Variants in EPHA6 observed in about 807,000 individuals in gnomAD.
The protein encoded by EPHA6 is ephrin type-A receptor 6.
A neutral mutation model predicts 112.0 loss-of-function variants in EPHA6; 50 were observed. That is an observed-to-expected ratio of 0.45 (90% CI 0.36 to 0.56). The LOEUF (loss-of-function observed/expected upper bound fraction) is 0.56. Ranked by LOEUF, EPHA6 falls within the 20% of genes least tolerant of loss-of-function variation. The probability of loss-of-function intolerance (pLI) is 0.00; values close to 1 mark genes in which losing one functional copy is unlikely to be tolerated. For missense variants in EPHA6, 1,280 were observed against 1,417.4 expected, an observed-to-expected ratio of 0.90 and a Z score of 1.56; for synonymous variants, 529 against 490.7, an observed-to-expected ratio of 1.08 and a Z score of -1.03.
intron 2 of EPHA6, among the ~76,000 whole-genome samples, chr3:96,941,921 A>G (rs562725608): frequency 6.7e-6 from 1 of 149,802 alleles, no homozygotes; most frequent in Admixed American, 6.6e-5. Flanking sequence ...CGGTGGCTGT[A>G]GAACAGCGGA....
rs555885918 is a variant in EPHA6, at chr3:97,652,728, A to G, written c.2784+14646A>G. ...TAAGGAGTTAAACCCAATGCTGAGT[A>G]TGGCCAAGTAGGAAGATCTAAAGAG... On this transcript the variant is annotated intron_variant, in intron 14 of 17. Coordinates refer to ENST00000389672, the MANE Select transcript of EPHA6 (RefSeq NM_001080448.3). Among the ~76,000 whole-genome samples, 6 of 152,118 alleles carry G rather than the reference A, an allele frequency of 3.9e-5. No individual in the cohort carries two copies. The East Asian group carries it at 9.7e-4, about 25-fold the overall frequency.
chr3:96,841,785 T>A, intron 1 of EPHA6, among the ~76,000 whole-genome samples: 1 of 152,278 alleles, frequency 6.6e-6, no homozygotes, highest in Non-Finnish European at 1.5e-5. Context: ...TACATAAAAA[T>A]TTTTATCTTT....
chr3:97,185,628 G>A (rs2077105927), intron 3 of EPHA6, among the ~76,000 whole-genome samples: 1 of 152,042 alleles, frequency 6.6e-6, no homozygotes, highest in Admixed American at 6.6e-5. Flanking sequence ...ATGTAAACTA[G>A]CTCAACCATT....
chr3:96,896,229 A>T (rs948921650), intron 2 of EPHA6, among the ~76,000 whole-genome samples: 14 of 152,080 alleles, frequency 9.2e-5, no homozygotes, highest in Non-Finnish European at 1.9e-4. Context: ...TAACATTAAC[A>T]TCTTAAATAC....
chr3:96,894,640 G>C (rs1158424280), intron 2 of EPHA6, among the ~76,000 whole-genome samples: 1 of 152,092 alleles, frequency 6.6e-6, no homozygotes, highest in African/African-American at 2.4e-5. Flanking sequence ...GTTTGTCCGT[G>C]ATTTCAGAAG....
chr3:97,385,588 C>A (rs1270540409), intron 5 of EPHA6, among the ~76,000 whole-genome samples: 1 of 152,088 alleles, frequency 6.6e-6, no homozygotes, highest in African/African-American at 2.4e-5. Flanking sequence ...CCCTGTAATG[C>A]CTCCAAATAT....
chr3:97,259,416 A>C (rs2079424964), intron 5 of EPHA6, among the ~76,000 whole-genome samples: 1 of 152,050 alleles, frequency 6.6e-6, no homozygotes, highest in Non-Finnish European at 1.5e-5. Context: ...TAAGCTTAGA[A>C]GTTTCTTCAA....
intron 14 of EPHA6, among the ~76,000 whole-genome samples, chr3:97,699,087 G>C (rs2033212301): frequency 6.6e-6 from 1 of 152,126 alleles, no homozygotes; most frequent in Non-Finnish European, 1.5e-5. Context: ...ATTAATCACT[G>C]TAAAAGAGAA....
intron 10 of EPHA6, among the ~76,000 whole-genome samples, chr3:97,507,437 A>G (rs1200831741): frequency 6.6e-6 from 1 of 152,022 alleles, no homozygotes; most frequent in Non-Finnish European, 1.5e-5. Context: ...GGTTTTTGTC[A>G]TTGGTTTTGT....
intron 2 of EPHA6, among the ~76,000 whole-genome samples, chr3:96,902,228 A>G (rs2107575839): frequency 6.6e-6 from 1 of 152,340 alleles, no homozygotes; most frequent in African/African-American, 2.4e-5. Context: ...TTTGGCAGAA[A>G]ATTAATTTTA....
chr3:96,886,269 G>T (rs1413394138), intron 2 of EPHA6, among the ~76,000 whole-genome samples: 1 of 152,130 alleles, frequency 6.6e-6, no homozygotes, highest in Non-Finnish European at 1.5e-5. Context: ...ACTGTCAGTG[G>T]AGTATTGAAG....
At chr3:96,996,046 A>C (rs1447382682) in intron 3 of EPHA6, among the ~76,000 whole-genome samples, 1 of 152,116 alleles carries the variant, frequency 6.6e-6, no homozygotes, top group Admixed American at 6.6e-5. Context: ...CTGCTGCTTT[A>C]TCAACTAAGT....
At chr3:97,276,187 A>C (rs569527242) in intron 5 of EPHA6, among the ~76,000 whole-genome samples, 1 of 152,220 alleles carries the variant, frequency 6.6e-6, no homozygotes, top group South Asian at 2.1e-4. Context: ...AGTTACCCGA[A>C]GCCTGGCATC....
At chr3:97,238,944 G>A (rs2078761725) in intron 4 of EPHA6, among the ~76,000 whole-genome samples, 1 of 151,792 alleles carries the variant, frequency 6.6e-6, no homozygotes, top group Admixed American at 6.6e-5. Flanking sequence ...TCGATTTTTT[G>A]TTTGCCTGTT....
chr3:96,942,315 C>G (rs2041006852), intron 2 of EPHA6, among the ~76,000 whole-genome samples: 1 of 152,196 alleles, frequency 6.6e-6, no homozygotes, highest in South Asian at 2.1e-4. Context: ...TTAGCAATGG[C>G]AGGCACCCCT....
intron 2 of EPHA6, among the ~76,000 whole-genome samples, chr3:96,886,204 G>A (rs375460625): frequency 2.0e-5 from 3 of 152,148 alleles, no homozygotes; most frequent in African/African-American, 7.2e-5. Context: ...GTTCCAAGGT[G>A]TAGTTTAAGT....
chr3:97,692,361 C>A (rs546542466), intron 14 of EPHA6, among the ~76,000 whole-genome samples: 1 of 152,028 alleles, frequency 6.6e-6, no homozygotes, highest in Non-Finnish European at 1.5e-5. Context: ...ATGTAATAAA[C>A]CTTTTGCAAA....
chr3:97,265,625 G>GCAGAGCA (rs1165344470), intron 5 of EPHA6, among the ~76,000 whole-genome samples: 21 of 152,218 alleles, frequency 1.4e-4, no homozygotes, highest in South Asian at 4.1e-4. Context: ...CCCCGAGGGT[G>GCAGAGCA]CAGAGCACAG....
At chr3:97,022,388 G>A (rs763389741) in intron 3 of EPHA6, among the ~76,000 whole-genome samples, 8 of 152,040 alleles carry the variant, frequency 5.3e-5, no homozygotes, top group Non-Finnish European at 1.2e-4. Context: ...TAACTTTTCA[G>A]CTACTTGAGT....
Sources: gnomAD v4.1 joint callset for allele counts (sites outside exome capture counted in the v4.1 genomes callset) on GRCh38, gnomAD v4.1.1 for gene constraint, MANE v1.5 for transcripts, NCBI Gene and HGNC (gene_info 2026-07-23, HGNC 2026-07-21) for gene names.